PPP4R3A: variants seen among roughly 807,000 people sequenced by gnomAD.
PPP4R3A encodes the protein serine/threonine-protein phosphatase 4 regulatory subunit 3A.
In PPP4R3A, 15 loss-of-function variants were observed where a neutral mutation model predicts 91.7. The observed-to-expected ratio is 0.16, with a 90% CI of 0.11 to 0.25. The LOEUF (loss-of-function observed/expected upper bound fraction) is 0.25. Among genes scored for constraint, PPP4R3A ranks in the 10% least tolerant of loss-of-function variants. The pLI, the probability that PPP4R3A is intolerant of heterozygous loss-of-function variation, is 1.00. For missense variants in PPP4R3A, 623 were observed against 998.4 expected, an observed-to-expected ratio of 0.62 and a Z score of 5.07; for synonymous variants, 377 against 348.7, an observed-to-expected ratio of 1.08 and a Z score of -0.91.
At chr14:91,497,555 A>G (rs1890659653) in intron 1 of PPP4R3A, among the ~76,000 whole-genome samples, 1 of 152,224 alleles carries the variant, frequency 6.6e-6, no homozygotes, top group Admixed American at 6.5e-5. Flanking sequence ...CATCAGTACA[A>G]TTAGATCTGC....
In PPP4R3A at chr14:91,493,441, C is replaced by CATG. The variant is rs1322061967; in HGVS notation, c.143-2642_143-2640dup. Among the ~76,000 whole-genome samples the CATG allele has an allele frequency of 1.3e-5, 2 of 150,656 alleles. 1 individual carries two copies. The highest frequency in any genetic ancestry group is 5.0e-5 in the African/African-American group (2 of 40,070). The stretch of plus-strand genomic sequence containing the variant: ...CCAGAATCTCAAGACTACAGTGAGC[C>CATG]ATGATTGCGCCACTACACTCTAGAC... On this transcript the variant is annotated intron_variant, in intron 1 of 14. Coordinates refer to ENST00000554943, the MANE Select transcript of PPP4R3A (RefSeq NM_001366432.2).
chr14:91,472,899 T>A (rs1888942785), intron 9 of PPP4R3A, 134 bp downstream of exon 9: 2 of 734,122 alleles, frequency 2.7e-6, no homozygotes, highest in East Asian at 2.5e-5. Context: ...TTTTAAAGAC[T>A]ACTACTTTTT....
At chr14:91,460,637 CT>C (rs573677740) in intron 14 of PPP4R3A, among the ~76,000 whole-genome samples, 1,452 of 111,214 alleles carry the variant, frequency 0.013, 9 homozygotes, top group East Asian at 0.035. Flanking sequence ...GATTTTGTTC[CT>C]TTTTTTTTTT....
At position 91,461,384 on chromosome 14, in the gene PPP4R3A, T is replaced by C. The variant is rs913617740; in HGVS notation, c.2388A>G (p.Thr796=). The C allele has an allele frequency of 2.6e-5, 42 of 1,604,622 alleles. No homozygotes were observed. The highest frequency in any genetic ancestry group is 3.6e-5 in the Non-Finnish European group (42 of 1,171,968). The change falls in exon 14 of 15, where the codon ACA becomes ACG. Residue 796 remains threonine, a synonymous_variant. Coordinates refer to ENST00000554943, the MANE Select transcript of PPP4R3A (RefSeq NM_001366432.2). ...AAAATGGGAGTCAAGAATGTACCTT[T>C]GTAGTAATAGCTGCCGTCTGAGATG... ...KNTSQTAAIT[T]KGGLVGLVDY... is the part of the protein sequence containing the mutation.
At chr14:91,488,969 G>A (rs1389887614) in intron 2 of PPP4R3A, among the ~76,000 whole-genome samples, 7 of 148,720 alleles carry the variant, frequency 4.7e-5, no homozygotes, top group African/African-American at 1.2e-4. Flanking sequence ...GTGCAGTGGC[G>A]CAATCTCGGC....
intron 11 of PPP4R3A, among the ~76,000 whole-genome samples, chr14:91,463,474 C>G (rs567665094): frequency 6.6e-6 from 1 of 152,142 alleles, no homozygotes; most frequent in East Asian, 1.9e-4. Flanking sequence ...CGTTCTGGCA[C>G]CTAGGTTGAG....
chr14:91,466,677 C>T (rs1332991200), intron 10 of PPP4R3A, among the ~76,000 whole-genome samples: 3 of 152,084 alleles, frequency 2.0e-5, no homozygotes, highest in African/African-American at 7.2e-5. Context: ...ATTTTAAACA[C>T]TAAGAGGCAT....
chr14:91,471,017 T>C (rs774613113), intron 9 of PPP4R3A, 22 bp from the exon 10 acceptor site: 4 of 1,555,472 alleles, frequency 2.6e-6, no homozygotes, highest in South Asian at 1.2e-5. Flanking sequence ...AAAACACAAC[T>C]AATTATATTT....
chr14:91,461,357 G>A lies in PPP4R3A; in HGVS notation c.2391+24C>T. 2.5e-6 allele frequency: 4 copies of A among 1,586,078 alleles called. No individual in the cohort carries two copies. In the South Asian group the frequency reaches 3.3e-5, roughly 13 times the overall value. ...AAAGCTTCAATTGGGAAAAAAGGGG[G>A]CAAAATGGGAGTCAAGAATGTACCT... On this transcript the variant is annotated intron_variant, in intron 14 of 14. Transcript: ENST00000554943.
chr14:91,491,492 C>G (rs1286729491), intron 1 of PPP4R3A, among the ~76,000 whole-genome samples: 2 of 152,154 alleles, frequency 1.3e-5, no homozygotes, highest in African/African-American at 4.8e-5. Flanking sequence ...ACTGCAACCT[C>G]CGCCTCCCAA....
rs1430736586 is a variant in PPP4R3A, at chr14:91,458,069, C to T, written c.*690G>A. On this transcript the variant is annotated 3_prime_UTR_variant, in exon 15 of 15. Coordinates refer to ENST00000554943, the MANE Select transcript of PPP4R3A (RefSeq NM_001366432.2). ...TATATATACTCAACAACTAAGCATA[C>T]ACTCAGGGGAGGAAAAAAAAAATCA... 2.6e-5 allele frequency: 4 copies of T among 152,248 alleles called. No individual in the cohort carries two copies. Among genetic ancestry groups the T allele is most frequent in the African/African-American group, 7.3e-5 (3 of 41,206 alleles). The allele number at this position is 152,248 out of a possible 1,614,324, so 9.4% of individuals were successfully genotyped here.
chr14:91,477,125 T>A, intron 4 of PPP4R3A, 139 bp from the exon 5 acceptor site: 2 of 632,780 alleles, frequency 3.2e-6, no homozygotes, highest in Non-Finnish European at 2.6e-6. Flanking sequence ...TTTTTTTTTT[T>A]AACAGAAGGA....
chr14:91,458,953 G>T, intron 14 of PPP4R3A, 84 bp from the exon 15 acceptor site: 1 of 1,434,910 alleles, frequency 7.0e-7, no homozygotes, highest in Non-Finnish European at 9.3e-7. Context: ...AAAGAAAATA[G>T]ATCCTACCAA....
rs948872396 is a variant in PPP4R3A at position 91,458,073 on chromosome 14, CAG to C, written c.*684_*685del. ...TATACTCAACAACTAAGCATACACT[CAG>C]GGGAGGAAAAAAAAAATCAAAAACA... On this transcript the variant is annotated 3_prime_UTR_variant, in exon 15 of 15. Transcript: ENST00000554943. The C allele has an allele frequency of 9.2e-5, 14 of 152,328 alleles. No individual in the cohort carries two copies. Among genetic ancestry groups the C allele is most frequent in the South Asian group, 2.1e-4 (1 of 4,828 alleles). 9.4% of individuals were successfully genotyped at this position (152,328 alleles called of 1,614,324 possible).
At chr14:91,470,701 G>T in intron 10 of PPP4R3A, 136 bp downstream of exon 10, 1 of 944,774 alleles carries the variant, frequency 1.1e-6, no homozygotes, top group Non-Finnish European at 1.6e-6. Flanking sequence ...TGGCAAACCT[G>T]CATAATCAGT....
At chr14:91,505,929 T>C (rs1033635026) in intron 1 of PPP4R3A, among the ~76,000 whole-genome samples, 4 of 151,242 alleles carry the variant, frequency 2.6e-5, no homozygotes, top group African/African-American at 9.7e-5. Context: ...GTAAAGCTTG[T>C]AGATAAACTA....
At chr14:91,507,624 T>TTATATATAATAG (rs1210165741) in intron 1 of PPP4R3A, among the ~76,000 whole-genome samples, 13 of 40,676 alleles carry the variant, frequency 3.2e-4, no homozygotes, top group Non-Finnish European at 5.3e-4. Flanking sequence ...ATATATACTA[T>TTATATATAATAG]TATATATACT....
At chr14:91,472,770 T>A (rs1011810493) in intron 9 of PPP4R3A, among the ~76,000 whole-genome samples, 5 of 152,106 alleles carry the variant, frequency 3.3e-5, no homozygotes, top group Non-Finnish European at 1.5e-5. Context: ...ATTTTTGTCA[T>A]GAACCTTTCT....
chr14:91,478,140 C>T (rs983015513), intron 4 of PPP4R3A, among the ~76,000 whole-genome samples: 1 of 152,288 alleles, frequency 6.6e-6, no homozygotes, highest in East Asian at 1.9e-4. Context: ...TTATTCTCAC[C>T]TTTACTTTTT....
Sources: gnomAD v4.1 joint callset for allele counts (sites outside exome capture counted in the v4.1 genomes callset) on GRCh38, gnomAD v4.1.1 for gene constraint, MANE v1.5 for transcripts, NCBI Gene and HGNC (gene_info 2026-07-23, HGNC 2026-07-21) for gene names.